ARHGAP28: variants seen among roughly 807,000 people sequenced by gnomAD.
ARHGAP28 encodes the protein rho GTPase-activating protein 28.
Under a neutral mutation model 90.7 loss-of-function variants are expected in ARHGAP28, and 56 were observed. The ratio of observed to expected loss-of-function variants is 0.62; its 90% CI spans 0.50 to 0.77. The LOEUF (loss-of-function observed/expected upper bound fraction) is 0.77, where lower values mean the gene tolerates loss of function less well. Ranked by LOEUF, ARHGAP28 falls within the 30% of genes least tolerant of loss-of-function variation. ARHGAP28 has a pLI of 0.00. For synonymous variants in ARHGAP28, 308 were observed against 323.3 expected (o/e 0.95, Z 0.51); for missense variants, 869 against 900.9 (o/e 0.96, Z 0.45).
intron 2 of ARHGAP28, among the ~76,000 whole-genome samples, chr18:6,831,471 G>GTTTTTTTTTTTTTTTTTTTTTTTTTTTTT (rs57331018): frequency 9.1e-6 from 1 of 109,306 alleles, no homozygotes; most frequent in Non-Finnish European, 1.8e-5. Flanking sequence ...GTATCTTGAT[G>GTTTTTTTTTTTTTTTTTTTTTTTTTTTTT]TTTTTTTTTT....
intron 2 of ARHGAP28, among the ~76,000 whole-genome samples, chr18:6,827,630 C>CA (rs2056680297): frequency 1.3e-5 from 1 of 74,374 alleles, no homozygotes; most frequent in Non-Finnish European, 2.8e-5. Context: ...GGCTGGCCGG[C>CA]AGGGGGGCTG....
chr18:6,842,257 C>T (rs899313533), intron 3 of ARHGAP28, among the ~76,000 whole-genome samples: 1 of 152,128 alleles, frequency 6.6e-6, no homozygotes, highest in African/African-American at 2.4e-5. Flanking sequence ...GTTTCAGCTA[C>T]TCAGGAGGCT....
chr18:6,741,128 G>A (rs888915658), intron 1 of ARHGAP28, among the ~76,000 whole-genome samples: 21 of 152,096 alleles, frequency 1.4e-4, no homozygotes, highest in African/African-American at 5.1e-4. Flanking sequence ...TTGGAGTCTT[G>A]AAAACATATT....
chr18:6,805,440 G>T (rs1213508742), intron 1 of ARHGAP28, among the ~76,000 whole-genome samples: 1 of 124,698 alleles, frequency 8.0e-6, no homozygotes, highest in Non-Finnish European at 1.7e-5. Flanking sequence ...CCAGCATACT[G>T]TTCTGTATTG....
chr18:6,805,501 T>C (rs927534903), intron 1 of ARHGAP28, among the ~76,000 whole-genome samples: 63 of 145,822 alleles, frequency 4.3e-4, no homozygotes, highest in Non-Finnish European at 8.6e-4. Flanking sequence ...TTTTTTTTTT[T>C]TGAAACGGAA....
At chr18:6,783,766 CAG>C (rs1197784386) in intron 1 of ARHGAP28, among the ~76,000 whole-genome samples, 1 of 152,190 alleles carries the variant, frequency 6.6e-6, no homozygotes, top group African/African-American at 2.4e-5. Context: ...AAGAGGCAAT[CAG>C]GGACTGGGAA....
intron 16 of ARHGAP28, among the ~76,000 whole-genome samples, chr18:6,904,020 T>C (rs2057351998): frequency 6.6e-6 from 1 of 152,092 alleles, no homozygotes; most frequent in African/African-American, 2.4e-5. Context: ...CAGATACTTC[T>C]AGATAATCTG....
intron 1 of ARHGAP28, among the ~76,000 whole-genome samples, chr18:6,814,990 T>A (rs1006655992): frequency 2.1e-4 from 32 of 152,132 alleles, no homozygotes; most frequent in Non-Finnish European, 4.3e-4. Context: ...CCTAATTGGA[T>A]AAAAAATATG....
chr18:6,756,821 C>A (rs893586849), intron 1 of ARHGAP28, among the ~76,000 whole-genome samples: 6 of 152,152 alleles, frequency 3.9e-5, no homozygotes, highest in African/African-American at 1.4e-4. Context: ...ATCTAACGTT[C>A]AAGGGCAGGA....
At chr18:6,848,580 T>C (rs757359531) in intron 3 of ARHGAP28, among the ~76,000 whole-genome samples, 4 of 152,200 alleles carry the variant, frequency 2.6e-5, no homozygotes, top group Non-Finnish European at 5.9e-5. Context: ...TTCACAGTTA[T>C]CAGGTAAGGT....
At chr18:6,849,831 TC>T (rs1898511062) in intron 3 of ARHGAP28, among the ~76,000 whole-genome samples, 1 of 152,192 alleles carries the variant, frequency 6.6e-6, no homozygotes, top group Admixed American at 6.6e-5. Context: ...TCTTTTTTTT[TC>T]CATCATCATC....
intron 2 of ARHGAP28, among the ~76,000 whole-genome samples, chr18:6,828,031 A>T (rs1226467560): frequency 6.6e-6 from 1 of 152,078 alleles, no homozygotes; most frequent in African/African-American, 2.4e-5. Context: ...GCGAGCCGAG[A>T]TCACGCCACT....
At chr18:6,831,493 T>TTTTTTTTTTC in intron 2 of ARHGAP28, among the ~76,000 whole-genome samples, 2 of 149,012 alleles carry the variant, frequency 1.3e-5, no homozygotes, top group African/African-American at 4.9e-5. Flanking sequence ...TTTTTCTTTT[T>TTTTTTTTTTC]TTTTTTTTAT....
intron 4 of ARHGAP28, among the ~76,000 whole-genome samples, chr18:6,852,504 T>C (rs2056918341): frequency 6.6e-6 from 1 of 152,246 alleles, no homozygotes; most frequent in African/African-American, 2.4e-5. Context: ...TATATCTGTT[T>C]GCTTCATATA....
chr18:6,800,012 T>C (rs532994655), intron 1 of ARHGAP28, among the ~76,000 whole-genome samples: 1 of 152,008 alleles, frequency 6.6e-6, no homozygotes, highest in South Asian at 2.1e-4. Context: ...TAAGGAAACT[T>C]ACAAGAAAAA....
At chr18:6,864,966 A>T (rs1283895377) in intron 5 of ARHGAP28, among the ~76,000 whole-genome samples, 1 of 152,210 alleles carries the variant, frequency 6.6e-6, no homozygotes, top group Non-Finnish European at 1.5e-5. Context: ...GCGATTTCCC[A>T]TATCCCCCCA....
At chr18:6,791,033 A>G (rs1316766306) in intron 1 of ARHGAP28, 1 of 152,200 alleles carries the variant, frequency 6.6e-6, no homozygotes, top group Non-Finnish European at 1.5e-5. Context: ...TATAAAGTGT[A>G]TTAGTCAGGG....
At chr18:6,896,439 G>A (rs1341929936) in intron 15 of ARHGAP28, 63 bp from the exon 16 acceptor site, 15 of 1,582,356 alleles carry the variant, frequency 9.5e-6, no homozygotes, top group Non-Finnish European at 1.3e-5. Flanking sequence ...TCTCTTAAGT[G>A]CATCATTGAG....
chr18:6,731,565 A>G (rs995758670), intron 1 of ARHGAP28, among the ~76,000 whole-genome samples: 2 of 152,188 alleles, frequency 1.3e-5, no homozygotes, highest in African/African-American at 2.4e-5. Context: ...AAGGTTGCCA[A>G]TTAGATTCAC....
Sources: allele counts gnomAD v4.1 joint callset (sites outside exome capture counted in the v4.1 genomes callset), GRCh38; gene constraint gnomAD v4.1.1; transcripts MANE v1.5; gene names NCBI Gene and HGNC (gene_info 2026-07-23, HGNC 2026-07-21).